The following PDSS2 variants were observed in gnomAD, a reference collection of about 807,000 sequenced individuals.
PDSS2 encodes the protein all trans-polyprenyl-diphosphate synthase PDSS2.
In PDSS2, 31 loss-of-function variants were observed where a neutral mutation model predicts 44.5. That is an observed-to-expected ratio of 0.70 (90% CI 0.52 to 0.94). PDSS2 has a LOEUF of 0.94. Ranked by LOEUF, PDSS2 falls within the 40% of genes least tolerant of loss-of-function variation. The pLI is 0.00. For missense variants in PDSS2, 452 were observed against 482.2 expected, an observed-to-expected ratio of 0.94 and a Z score of 0.59; for synonymous variants, 157 against 180.3, an observed-to-expected ratio of 0.87 and a Z score of 1.03.
intron 2 of PDSS2, among the ~76,000 whole-genome samples, chr6:107,318,723 C>T (rs1777282077): frequency 6.6e-6 from 1 of 152,088 alleles, no homozygotes; most frequent in Non-Finnish European, 1.5e-5. Context: ...CGGTGGCTCA[C>T]GCCTGTAATT....
At chr6:107,246,053 T>C (rs894894024) in intron 3 of PDSS2, among the ~76,000 whole-genome samples, 1 of 152,132 alleles carries the variant, frequency 6.6e-6, no homozygotes, top group Non-Finnish European at 1.5e-5. Context: ...AGCAAAAGAA[T>C]GGATAATCTT....
intron 1 of PDSS2, among the ~76,000 whole-genome samples, chr6:107,442,845 C>T (rs1315260917): frequency 6.6e-6 from 1 of 152,204 alleles, no homozygotes; most frequent in Non-Finnish European, 1.5e-5. Flanking sequence ...ATCACTACTG[C>T]CTAAGTTTAT....
At chr6:107,271,678 T>G (rs1481030181) in intron 3 of PDSS2, among the ~76,000 whole-genome samples, 1 of 152,196 alleles carries the variant, frequency 6.6e-6, no homozygotes, top group Non-Finnish European at 1.5e-5. Context: ...CTGCATTCTG[T>G]CCTTGATTGG....
chr6:107,300,802 T>C (rs1395085541), intron 2 of PDSS2, among the ~76,000 whole-genome samples: 2 of 152,202 alleles, frequency 1.3e-5, no homozygotes, highest in Non-Finnish European at 2.9e-5. Flanking sequence ...CACACGTGCA[T>C]AAACACATAT....
At chr6:107,409,735 G>A (rs1364341131) in intron 1 of PDSS2, among the ~76,000 whole-genome samples, 1 of 152,112 alleles carries the variant, frequency 6.6e-6, no homozygotes, top group Non-Finnish European at 1.5e-5. Context: ...ACTATCCTAC[G>A]AAATAGGTAC....
intron 2 of PDSS2, among the ~76,000 whole-genome samples, chr6:107,295,348 A>G (rs1776478560): frequency 6.6e-6 from 1 of 152,246 alleles, no homozygotes. Context: ...ATTATGAAGG[A>G]TGCCAATTAT....
At chr6:107,261,984 C>T (rs1370237500) in intron 3 of PDSS2, among the ~76,000 whole-genome samples, 4 of 144,954 alleles carry the variant, frequency 2.8e-5, no homozygotes, top group African/African-American at 7.8e-5. Context: ...TCTTGGCTCA[C>T]TCCAAGCTCC....
chr6:107,402,677 T>C (rs900584498), intron 1 of PDSS2, among the ~76,000 whole-genome samples: 1 of 150,002 alleles, frequency 6.7e-6, no homozygotes, highest in Non-Finnish European at 1.5e-5. Flanking sequence ...ACAAACAACA[T>C]GTACAGGGGA....
At chr6:107,220,854 AC>A (rs1374921360) in intron 4 of PDSS2, among the ~76,000 whole-genome samples, 1 of 152,194 alleles carries the variant, frequency 6.6e-6, no homozygotes, top group African/African-American at 2.4e-5. Flanking sequence ...TACTAATGAA[AC>A]AAAATCCCTC....
chr6:107,279,775 C>T (rs892109608), intron 2 of PDSS2, among the ~76,000 whole-genome samples: 1 of 152,098 alleles, frequency 6.6e-6, no homozygotes, highest in Non-Finnish European at 1.5e-5. Context: ...TAAATCTATC[C>T]TGTAATTTCA....
intron 4 of PDSS2, among the ~76,000 whole-genome samples, chr6:107,241,767 A>C (rs1774443179): frequency 6.6e-6 from 1 of 152,204 alleles, no homozygotes; most frequent in Admixed American, 6.5e-5. Flanking sequence ...CTATTTTCCT[A>C]CTACCCAGGA....
chr6:107,246,925 A>G (rs554056811), intron 3 of PDSS2, among the ~76,000 whole-genome samples: 1 of 152,300 alleles, frequency 6.6e-6, no homozygotes, highest in Non-Finnish European at 1.5e-5. Context: ...TATTGTAGCA[A>G]TATGAGCTGC....
Position 107,441,506 on chromosome 6 carries a change from C to T in PDSS2, c.296+17484G>A, listed in dbSNP as rs1380109600. 2.6e-5 allele frequency among the ~76,000 whole-genome samples: 4 copies of T among 152,220 alleles called. No individual in the cohort carries two copies. In the East Asian group the frequency reaches 5.8e-4, roughly 22 times the overall value. On this transcript the variant is annotated intron_variant, in intron 1 of 7. Transcript: ENST00000369037. ...GTGTGATGGTAGTGGATAAATTTACCATTTAGCCCACAGGTTGAAGAATGT... is the reference window on the plus strand; with the variant it reads ...GTGTGATGGTAGTGGATAAATTTACTATTTAGCCCACAGGTTGAAGAATGT...
intron 3 of PDSS2, among the ~76,000 whole-genome samples, chr6:107,247,337 G>A (rs1774655171): frequency 6.6e-6 from 1 of 152,188 alleles, no homozygotes; most frequent in Non-Finnish European, 1.5e-5. Context: ...TCTGGCTCTG[G>A]ATAACCAGAG....
chr6:107,332,220 T>C (rs1331165039), intron 2 of PDSS2, among the ~76,000 whole-genome samples: 1 of 151,906 alleles, frequency 6.6e-6, no homozygotes, highest in East Asian at 1.9e-4. Context: ...TCCTTCCACC[T>C]CAGCCTCCTG....
At chr6:107,320,626 T>A (rs1192445872) in intron 2 of PDSS2, among the ~76,000 whole-genome samples, 3 of 152,088 alleles carry the variant, frequency 2.0e-5, no homozygotes, top group Non-Finnish European at 4.4e-5. Context: ...AAAGAATAAA[T>A]GTGTGAAAGG....
At chr6:107,386,718 A>G (rs563826230) in intron 1 of PDSS2, among the ~76,000 whole-genome samples, 1 of 152,228 alleles carries the variant, frequency 6.6e-6, no homozygotes, top group Non-Finnish European at 1.5e-5. Flanking sequence ...TACTTTATCA[A>G]TGAAGCTAAC....
chr6:107,322,436 T>C (rs1777409070), intron 2 of PDSS2, among the ~76,000 whole-genome samples: 1 of 152,150 alleles, frequency 6.6e-6, no homozygotes, highest in South Asian at 2.1e-4. Flanking sequence ...TGAGAATCAC[T>C]TGAGCCTGGG....
intron 7 of PDSS2, among the ~76,000 whole-genome samples, chr6:107,189,715 C>A (rs1279687159): frequency 6.6e-6 from 1 of 152,122 alleles, no homozygotes; most frequent in Non-Finnish European, 1.5e-5. Context: ...GAGTTGGTGG[C>A]AGAGCCATTG....
Sources: allele counts gnomAD v4.1 joint callset (sites outside exome capture counted in the v4.1 genomes callset), GRCh38; gene constraint gnomAD v4.1.1; transcripts MANE v1.5; gene names NCBI Gene and HGNC (gene_info 2026-07-23, HGNC 2026-07-21).